BIN1: variants seen among roughly 807,000 people sequenced by gnomAD.
BIN1 encodes the protein bridging integrator 1.
BIN1 carries 53 observed loss-of-function variants against 82.0 expected under a neutral mutation model. The observed-to-expected ratio is 0.65, with a 90% CI of 0.52 to 0.81. The LOEUF is 0.81. BIN1 is among the 40% of genes least tolerant of loss of function. BIN1 has a pLI of 0.00. For missense variants in BIN1, 642 were observed against 784.4 expected (o/e 0.82, Z 2.17); for synonymous variants, 302 against 328.0 (o/e 0.92, Z 0.86).
At chr2:127,089,851 G>C (rs1419295983) in intron 1 of BIN1, among the ~76,000 whole-genome samples, 9 of 152,042 alleles carry the variant, frequency 5.9e-5, no homozygotes, top group Non-Finnish European at 1.3e-4. Context: ...CTCCCTCAAG[G>C]GTGTTTAAAG....
At chr2:127,063,742 G>A in intron 8 of BIN1, 96 bp from the exon 9 acceptor site, 1 of 1,458,972 alleles carries the variant, frequency 6.9e-7, no homozygotes, top group Non-Finnish European at 9.5e-7. Flanking sequence ...ACGCTCATCA[G>A]AGGCACAAAC....
chr2:127,061,029 C>A (rs564423831), intron 10 of BIN1, among the ~76,000 whole-genome samples: 86 of 152,296 alleles, frequency 5.6e-4, no homozygotes, highest in South Asian at 1.0e-3. Flanking sequence ...TCTACTGCCC[C>A]TCTCTCTTCC....
At position 127,068,967 on chromosome 2, in the gene BIN1, G is replaced by T. The variant is rs371755655; in HGVS notation, c.476C>A (p.Ser159Tyr). The T allele has an allele frequency of 2.5e-6, 4 of 1,614,080 alleles. No individual in the cohort carries two copies. The highest frequency in any genetic ancestry group is 2.7e-5 in the African/African-American group (2 of 74,954). ...ATCCTTCTTTTTGGCAGTTTGAAGG[G>T]ACTCGTAGTGGTGCCGGGCACTGTC... is the stretch of plus-strand genomic sequence containing the variant. The part of the protein sequence containing the change: ...DYDSARHHYE[S>Y]LQTAKKKDEA... The change falls in exon 6 of 19, where the codon TCC (serine) becomes TAC (tyrosine). Residue 159 changes from serine (S) to tyrosine (Y), a missense_variant. Coordinates refer to ENST00000316724, the MANE Select transcript of BIN1 (RefSeq NM_139343.3). This position sits in a 1 kb window ranked among gnomAD's most constrained non-coding sequence, Gnocchi z 4.9.
chr2:127,051,205 A>C lies in BIN1; in HGVS notation c.1410T>G (p.Pro470=). ...CCCCTGGCTCCTGGGCTCCAGCCGC[A>C]GGTTGGGTCCCACCCGCCACCTCCG... ...EASEVAGGTQ[P]AAGAQEPGET... Residue 470 remains proline (P), a synonymous_variant, in exon 16 of 19, where the codon CCT becomes CCG. Transcript: ENST00000316724. 1 of 1,613,652 alleles carries C rather than the reference A, an allele frequency of 6.2e-7. No homozygotes were observed. The highest frequency in any genetic ancestry group is 8.5e-7 in the Non-Finnish European group (1 of 1,179,952).
At position 127,067,855 on chromosome 2, in the gene BIN1, G is replaced by A. The variant is rs1330082481; in HGVS notation, c.612+308C>T. 6.6e-6 allele frequency among the ~76,000 whole-genome samples: 1 copy of A among 152,196 alleles called. No homozygotes were observed. The highest frequency in any genetic ancestry group is 1.5e-5 in the Non-Finnish European group (1 of 68,040). ...CCTCCCCAGAGGAGCCCTCACAGAG[G>A]ACAATGGCTCAAAGGCATTCCTGGA... On this transcript the variant is annotated intron_variant, in intron 7 of 18. Transcript: ENST00000316724. This position sits in a 1 kb window ranked among gnomAD's most constrained non-coding sequence, Gnocchi z 4.7.
chr2:127,104,704 C>T (rs1006547374), intron 1 of BIN1, among the ~76,000 whole-genome samples: 1 of 152,198 alleles, frequency 6.6e-6, no homozygotes, highest in Non-Finnish European at 1.5e-5. Context: ...TGATCACCAA[C>T]AGAAGACACT....
At chr2:127,099,410 C>A (rs199983293) in intron 1 of BIN1, among the ~76,000 whole-genome samples, 6 of 152,026 alleles carry the variant, frequency 3.9e-5, no homozygotes, top group Non-Finnish European at 5.9e-5. Flanking sequence ...TTCTTTCCCC[C>A]CCAGGAACAT....
chr2:127,075,491 T>A (rs990602131), intron 2 of BIN1, among the ~76,000 whole-genome samples: 1 of 152,166 alleles, frequency 6.6e-6, no homozygotes, highest in Admixed American at 6.5e-5. Flanking sequence ...GCAGTAGATA[T>A]CCCTGCCACA....
intron 13 of BIN1, 166 bp from the exon 14 acceptor site, chr2:127,053,611 C>T (rs1683253262): frequency 1.1e-6 from 1 of 891,512 alleles, no homozygotes; most frequent in Non-Finnish European, 1.8e-6. Context: ...GGTGGCCGAG[C>T]TCCCGACACC....
Position 127,106,854 on chromosome 2 carries a change from G to T in BIN1, c.84+6C>A, listed in dbSNP as rs766185851. The T allele has an allele frequency of 5.0e-6, 8 of 1,600,976 alleles. No individual in the cohort carries two copies. Among genetic ancestry groups the T allele is most frequent in the Non-Finnish European group, 6.0e-6 (7 of 1,175,652 alleles). On this transcript the variant is annotated splice_donor_region_variant and intron_variant, in intron 1 of 18. Coordinates refer to ENST00000316724, the MANE Select transcript of BIN1 (RefSeq NM_139343.3). ...TCCGCGGCTGCTGGGGCTCCGGCTC[G>T]CTCACCTTCTCCTGCGCGCGGGTGA...
rs973357109 is a variant in BIN1 at position 127,082,263 on chromosome 2, C to G, written c.85-5557G>C. ...GTCTCCCACACACAGCTCGGGTCAG[C>G]CAAGCTGGGGAGCTGTGGATGATGA... On this transcript the variant is annotated intron_variant, in intron 1 of 18. Transcript: ENST00000316724. This position sits in a 1 kb window ranked among gnomAD's most constrained non-coding sequence, Gnocchi z 6.1. Among the ~76,000 whole-genome samples the G allele has an allele frequency of 6.6e-6, 1 of 152,160 alleles. No individual in the cohort carries two copies. Among genetic ancestry groups the G allele is most frequent in the Non-Finnish European group, 1.5e-5 (1 of 68,018 alleles).
rs543316845 is a variant in BIN1 at position 127,070,114 on chromosome 2, G to A, written c.316-24C>T. ...TTCTGAGACAGGCAAGAGCACGACA[G>A]TGCCACCAGGAGGGCTGGGCCACAC... On this transcript the variant is annotated intron_variant, in intron 4 of 18. Transcript: ENST00000316724. 6.2e-6 allele frequency: 10 copies of A among 1,608,042 alleles called. No homozygotes were observed. The East Asian group carries it at 1.6e-4, about 25-fold the overall frequency.
Position 127,059,223 on chromosome 2 carries a change from T to C in BIN1, c.858-68A>G, listed in dbSNP as rs1016533351. 6.6e-7 allele frequency: 1 copy of C among 1,521,018 alleles called. No homozygotes were observed. Among genetic ancestry groups the C allele is most frequent in the East Asian group, 2.5e-5 (1 of 40,684 alleles). The allele number at this position is 1,521,018 out of a possible 1,614,324, so 94.2% of individuals were successfully genotyped here. A position where few individuals can be genotyped will look rare whatever the true frequency, so the allele number is the denominator to read the frequency against. ...AAGGCACAGGAGACGGAGGGGCAAA[T>C]GTATTGACGTCTGTGTGAAGAGGTG... On this transcript the variant is annotated intron_variant, in intron 10 of 18. Transcript: ENST00000316724. This position sits in a 1 kb window ranked among gnomAD's most constrained non-coding sequence, Gnocchi z 6.7.
At chr2:127,061,081 C>A (rs1684398058) in intron 10 of BIN1, among the ~76,000 whole-genome samples, 1 of 152,206 alleles carries the variant, frequency 6.6e-6, no homozygotes, top group Admixed American at 6.5e-5. Flanking sequence ...CTGGCCAGGA[C>A]GGCCCCACTT....
At chr2:127,055,854 C>A (rs1349901324) in intron 12 of BIN1, 1 of 152,246 alleles carries the variant, frequency 6.6e-6, no homozygotes, top group Non-Finnish European at 1.5e-5. Context: ...CAAAGGCAAG[C>A]CCACCCCTGC....
rs1452390669 is a variant in BIN1 at position 127,059,129 on chromosome 2, T to C, written c.884A>G (p.Lys295Arg). 4 of 1,586,136 alleles carry C rather than the reference T, an allele frequency of 2.5e-6. No homozygotes were observed. Among genetic ancestry groups the C allele is most frequent in the Non-Finnish European group, 3.4e-6 (4 of 1,166,888 alleles). Residue 295 changes from lysine (K) to arginine (R), a missense_variant, in exon 11 of 19, where the codon AAG (lysine) becomes AGG (arginine). By Grantham distance (26) the Lys-to-Arg change is conservative. Transcript: ENST00000316724. The surrounding 1 kb of genome is among the most constrained non-coding windows in gnomAD (Gnocchi z 6.7). ...PSDNAPAKGN[K>R]SPSPPDGSPA... ...GGAGCCATCTGGAGGCGAAGGGCTCTTGTTCCCTTTTGCAGGCGCGTTGTC... is the reference window on the plus strand; with the variant it reads ...GGAGCCATCTGGAGGCGAAGGGCTCCTGTTCCCTTTTGCAGGCGCGTTGTC...
chr2:127,069,968 G>A, intron 5 of BIN1, 27 bp downstream of exon 5: 7 of 1,609,482 alleles, frequency 4.3e-6, no homozygotes, highest in Non-Finnish European at 6.0e-6. Context: ...GGCCAGAGCA[G>A]GGCAGATCTG....
intron 1 of BIN1, among the ~76,000 whole-genome samples, chr2:127,089,836 A>C (rs533982923): frequency 1.3e-5 from 2 of 152,244 alleles, no homozygotes; most frequent in East Asian, 3.9e-4. Flanking sequence ...ACTTAGAGCC[A>C]AGAACTCCCT....
intron 10 of BIN1, 52 bp downstream of exon 10, chr2:127,062,063 C>T: frequency 6.5e-7 from 1 of 1,549,854 alleles, no homozygotes; most frequent in Non-Finnish European, 8.7e-7. Context: ...GGAAGGAGCC[C>T]TGCCCCTGCC....
Sources: allele counts gnomAD v4.1 joint callset (sites outside exome capture counted in the v4.1 genomes callset), GRCh38; gene constraint gnomAD v4.1.1; non-coding constraint Gnocchi (gnomAD v3.1); transcripts MANE v1.5; gene names NCBI Gene and HGNC (gene_info 2026-07-23, HGNC 2026-07-21).